AGTPBP1: variants seen among roughly 807,000 people sequenced by gnomAD.
The protein encoded by AGTPBP1 is ATP/GTP binding carboxypeptidase 1.
AGTPBP1 carries 70 observed loss-of-function variants against 143.9 expected under a neutral mutation model. That is an observed-to-expected ratio of 0.49 (90% CI 0.40 to 0.59). The LOEUF (loss-of-function observed/expected upper bound fraction) is 0.59, where lower values mean the gene tolerates loss of function less well. Ranked by LOEUF, AGTPBP1 falls within the 20% of genes least tolerant of loss-of-function variation. The probability of loss-of-function intolerance (pLI) is 0.00; values close to 1 mark genes in which losing one functional copy is unlikely to be tolerated. For synonymous variants in AGTPBP1, 463 were observed against 500.2 expected (o/e 0.93, Z 0.99); for missense variants, 1,229 against 1,464.5 (o/e 0.84, Z 2.62).
Position 85,579,062 on chromosome 9 carries a change from G to A in AGTPBP1, c.3200C>T (p.Ala1067Val). Residue 1067 changes from alanine to valine, a missense_variant, in exon 24 of 26, where the codon GCA becomes GTA. Physicochemically the swap from Ala to Val is moderately conservative, Grantham distance 64 (BLOSUM62 0). Around this residue, in one of 2 missense-constraint regions of AGTPBP1, gnomAD observed 486 missense variants for 652.3 expected, o/e 0.75. Coordinates refer to ENST00000357081, the MANE Select transcript of AGTPBP1 (RefSeq NM_001330701.2). ...LPKILSHIAP[A>V]FCMSSCSFVV... is the part of the protein sequence containing the mutation. ...GAAGCTACAGCTGCTCATGCAAAAT[G>A]CTGGGGCGATATGGCTCAGTATCTT... 1 of 1,610,560 alleles carries A rather than the reference G, an allele frequency of 6.2e-7. No individual in the cohort carries two copies.
chr9:85,581,490 G>GT (rs1319436562), intron 23 of AGTPBP1, among the ~76,000 whole-genome samples: 2 of 152,134 alleles, frequency 1.3e-5, no homozygotes, highest in African/African-American at 2.4e-5. Flanking sequence ...TACAAATACG[G>GT]TAACATAATT....
the AGTPBP1 span, among the ~76,000 whole-genome samples, chr9:85,768,527 A>G: frequency 6.6e-6 from 1 of 152,202 alleles, no homozygotes; most frequent in African/African-American, 2.4e-5. Flanking sequence ...CCAAGAACCT[A>G]TTGATGATAA....
intron 1 of AGTPBP1, among the ~76,000 whole-genome samples, chr9:85,733,214 G>A (rs1004921583): frequency 2.0e-5 from 3 of 152,070 alleles, no homozygotes; most frequent in African/African-American, 4.8e-5. Flanking sequence ...CTCCAAAACA[G>A]GCCACATATT....
intron 8 of AGTPBP1, among the ~76,000 whole-genome samples, chr9:85,664,632 T>A (rs1378223484): frequency 6.6e-6 from 1 of 152,124 alleles, no homozygotes; most frequent in Non-Finnish European, 1.5e-5. Flanking sequence ...CAATCTAATA[T>A]AACAGAAACT....
intron 25 of AGTPBP1, among the ~76,000 whole-genome samples, chr9:85,567,941 A>T (rs1053103551): frequency 2.0e-5 from 3 of 152,228 alleles, no homozygotes; most frequent in African/African-American, 4.8e-5. Flanking sequence ...TTAAGTGTCA[A>T]GCAAGATAAA....
At chr9:85,642,449 C>T (rs1354307051) in intron 13 of AGTPBP1, among the ~76,000 whole-genome samples, 1 of 152,076 alleles carries the variant, frequency 6.6e-6, no homozygotes, top group Non-Finnish European at 1.5e-5. Flanking sequence ...CTGCCTCAGC[C>T]TCCCAAGTAA....
At position 85,677,592 on chromosome 9, in the gene AGTPBP1, A is replaced by T. The variant is rs532070346; in HGVS notation, c.290-10T>A. 66 of 488,164 alleles carry T rather than the reference A, an allele frequency of 1.4e-4. No homozygotes were observed. Among genetic ancestry groups the T allele is most frequent in the Non-Finnish European group, 1.8e-4 (60 of 339,106 alleles). 30.2% of individuals were successfully genotyped at this position (488,164 alleles called of 1,614,324 possible). A position where few individuals can be genotyped will look rare whatever the true frequency, so the allele number is the denominator to read the frequency against. On this transcript the variant is annotated splice_polypyrimidine_tract_variant and intron_variant, in intron 5 of 25. Coordinates refer to ENST00000357081, the MANE Select transcript of AGTPBP1 (RefSeq NM_001330701.2). ...ACTCTTCGACCTCCACCTAAAAATT[A>T]AAAAAAAAAAAAATTTAAACAACAA...
At chr9:85,765,068 A>C in the AGTPBP1 span, 2 of 555,086 alleles carry the variant, frequency 3.6e-6, no homozygotes, top group South Asian at 4.0e-5. Context: ...TTCACCTGGC[A>C]CTTATTTGGC....
At chr9:85,617,975 C>T (rs1830689961) in intron 17 of AGTPBP1, among the ~76,000 whole-genome samples, 1 of 152,172 alleles carries the variant, frequency 6.6e-6, no homozygotes, top group Non-Finnish European at 1.5e-5. Flanking sequence ...CGCACTGGCT[C>T]ACACCTGCAA....
In AGTPBP1 at chr9:85,681,353, AT is replaced by A; in HGVS notation, c.158-19del. On this transcript the variant is annotated intron_variant, in intron 3 of 25. Coordinates refer to ENST00000357081, the MANE Select transcript of AGTPBP1 (RefSeq NM_001330701.2). ...TGTTTTTTCTGAAAAGTAGCAAACA[AT>A]TTTTTTCTCAAACATAAATTTTTAA... is the stretch of plus-strand genomic sequence containing the variant. 1.9e-6 allele frequency: 3 copies of A among 1,606,002 alleles called. No homozygotes were observed. Among genetic ancestry groups the A allele is most frequent in the African/African-American group, 1.3e-5 (1 of 74,418 alleles).
intron 25 of AGTPBP1, among the ~76,000 whole-genome samples, chr9:85,570,163 T>G (rs1827371119): frequency 6.6e-6 from 1 of 152,204 alleles, no homozygotes; most frequent in Non-Finnish European, 1.5e-5. Context: ...GTGTCTATAG[T>G]GTGGCTATGC....
intron 25 of AGTPBP1, among the ~76,000 whole-genome samples, chr9:85,566,702 G>C (rs150482608): frequency 4.9e-4 from 75 of 152,188 alleles, no homozygotes; most frequent in Non-Finnish European, 8.1e-4. Context: ...AAAAAGAACA[G>C]AATCACGAAG....
intron 8 of AGTPBP1, among the ~76,000 whole-genome samples, chr9:85,668,344 T>TA (rs1000126893): frequency 4.6e-5 from 7 of 151,988 alleles, no homozygotes; most frequent in Non-Finnish European, 1.0e-4. Context: ...TAGATTGTAT[T>TA]AAGTAAGTAT....
intron 16 of AGTPBP1, 36 bp from the exon 17 acceptor site, chr9:85,619,167 A>AC: frequency 6.2e-7 from 1 of 1,610,612 alleles, no homozygotes; most frequent in Non-Finnish European, 8.5e-7. Context: ...GATGAAAATT[A>AC]GGAAATATCT....
chr9:85,601,721 G>A (rs1279865763), intron 17 of AGTPBP1, among the ~76,000 whole-genome samples: 1 of 152,176 alleles, frequency 6.6e-6, no homozygotes, highest in Non-Finnish European at 1.5e-5. Context: ...ATCTGAGAAA[G>A]TTGCATGGGG....
chr9:85,593,214 G>A (rs558612504), intron 18 of AGTPBP1, among the ~76,000 whole-genome samples: 1 of 152,300 alleles, frequency 6.6e-6, no homozygotes, highest in African/African-American at 2.4e-5. Flanking sequence ...ACCTGAAGTT[G>A]ATCAAGCTTC....
At chr9:85,748,178 C>T in the AGTPBP1 span, among the ~76,000 whole-genome samples, 232 of 152,330 alleles carry the variant, frequency 1.5e-3, 1 homozygote, top group African/African-American at 5.2e-3. Flanking sequence ...CTCTCTCTGT[C>T]ACTAAAGTCC....
At chr9:85,560,415 CA>C (rs981361198) in intron 25 of AGTPBP1, among the ~76,000 whole-genome samples, 1 of 152,166 alleles carries the variant, frequency 6.6e-6, no homozygotes, top group Non-Finnish European at 1.5e-5. Flanking sequence ...AGTTGGCTTT[CA>C]AAAGATGCTT....
intron 1 of AGTPBP1, among the ~76,000 whole-genome samples, chr9:85,718,855 AG>A (rs1180903730): frequency 6.6e-6 from 1 of 152,218 alleles, no homozygotes; most frequent in Non-Finnish European, 1.5e-5. Context: ...ATAAGGGGTA[AG>A]GAAGGGATCC....
Sources: gnomAD v4.1 joint callset for allele counts (sites outside exome capture counted in the v4.1 genomes callset) on GRCh38, gnomAD v4.1.1 for gene constraint, gnomAD v4.1.1 regional missense constraint, MANE v1.5 for transcripts, NCBI Gene and HGNC (gene_info 2026-07-23, HGNC 2026-07-21) for gene names.